The following MAPK4 variants were observed in gnomAD, a reference collection of about 807,000 sequenced individuals.
MAPK4 encodes Erk3-related.
A neutral mutation model predicts 47.7 loss-of-function variants in MAPK4; 22 were observed. The observed-to-expected ratio is 0.46, with a 90% CI of 0.33 to 0.66. MAPK4 has a LOEUF of 0.66. MAPK4 is among the 30% of genes least tolerant of loss of function. MAPK4 has a pLI of 0.02. For missense variants in MAPK4, 736 were observed against 831.7 expected (o/e 0.88, Z 1.42); for synonymous variants, 390 against 365.7 (o/e 1.07, Z -0.76).
intron 1 of MAPK4, among the ~76,000 whole-genome samples, chr18:50,563,277 A>G (rs1309898622): frequency 2.0e-5 from 3 of 152,374 alleles, no homozygotes; most frequent in Non-Finnish European, 2.9e-5. Context: ...GGCAAAGACA[A>G]CTAACAAAGA....
intron 1 of MAPK4, among the ~76,000 whole-genome samples, chr18:50,649,099 G>T (rs1227073841): frequency 1.3e-5 from 2 of 152,210 alleles, no homozygotes; most frequent in African/African-American, 4.8e-5. Flanking sequence ...ACCTAGGGAT[G>T]GGGGTAGGCC....
chr18:50,687,157 A>G (rs567236333), intron 2 of MAPK4, among the ~76,000 whole-genome samples: 1 of 152,176 alleles, frequency 6.6e-6, no homozygotes, highest in East Asian at 1.9e-4. Flanking sequence ...TCATCCCAAA[A>G]GGAAACATCA....
At chr18:50,639,337 T>C (rs578087472) in intron 1 of MAPK4, among the ~76,000 whole-genome samples, 12 of 152,318 alleles carry the variant, frequency 7.9e-5, no homozygotes, top group African/African-American at 2.9e-4. Context: ...CTCTATGTAG[T>C]TTGCATCCTG....
chr18:50,591,235 C>A (rs2042434392), intron 1 of MAPK4, among the ~76,000 whole-genome samples: 1 of 152,028 alleles, frequency 6.6e-6, no homozygotes, highest in Non-Finnish European at 1.5e-5. Flanking sequence ...CTCACAGCAA[C>A]CCTATTAAGT....
At chr18:50,650,126 G>A (rs1272072865) in intron 1 of MAPK4, among the ~76,000 whole-genome samples, 1 of 152,226 alleles carries the variant, frequency 6.6e-6, no homozygotes, top group Non-Finnish European at 1.5e-5. Flanking sequence ...TGCTGCTGCT[G>A]TTGTCAAGGT....
intron 2 of MAPK4, among the ~76,000 whole-genome samples, chr18:50,679,991 C>T (rs116781858): frequency 0.013 from 1,907 of 151,840 alleles, 44 homozygotes; most frequent in African/African-American, 0.043. Flanking sequence ...ACCCAGCGCT[C>T]GCCGCCCCAC....
intron 1 of MAPK4, among the ~76,000 whole-genome samples, chr18:50,640,293 G>A (rs570401365): frequency 7.3e-5 from 11 of 151,200 alleles, no homozygotes; most frequent in Admixed American, 1.3e-4. Context: ...CAGGGGCCAT[G>A]CTCTGTCACC....
intron 1 of MAPK4, among the ~76,000 whole-genome samples, chr18:50,584,019 T>C (rs1255756756): frequency 6.6e-6 from 1 of 152,206 alleles, no homozygotes; most frequent in African/African-American, 2.4e-5. Context: ...ATATTGAGGA[T>C]TGAGTAAGAT....
intron 1 of MAPK4, among the ~76,000 whole-genome samples, chr18:50,609,395 C>G (rs547686764): frequency 3.3e-5 from 5 of 151,340 alleles, no homozygotes; most frequent in African/African-American, 1.2e-4. Flanking sequence ...GGCTGCCCCC[C>G]GCCTCCCTCC....
intron 1 of MAPK4, among the ~76,000 whole-genome samples, chr18:50,657,704 T>G (rs1418591244): frequency 6.6e-6 from 1 of 151,534 alleles, no homozygotes; most frequent in East Asian, 1.9e-4. Context: ...ATGTCACAGC[T>G]TGGGGGTGTG....
chr18:50,614,255 G>C (rs1424622705), intron 1 of MAPK4, among the ~76,000 whole-genome samples: 1 of 151,770 alleles, frequency 6.6e-6, no homozygotes, highest in Non-Finnish European at 1.5e-5. Flanking sequence ...TGTCAGTAAG[G>C]ACCTAAAAGA....
At chr18:50,662,129 G>A (rs1162488627) in intron 1 of MAPK4, among the ~76,000 whole-genome samples, 1 of 152,188 alleles carries the variant, frequency 6.6e-6, no homozygotes, top group African/African-American at 2.4e-5. Context: ...CTCTATAGGA[G>A]GCCCTGCGAT....
intron 1 of MAPK4, among the ~76,000 whole-genome samples, chr18:50,576,131 T>TA (rs1454212837): frequency 6.8e-5 from 2 of 29,352 alleles, no homozygotes; most frequent in Non-Finnish European, 8.8e-5. Context: ...CCAGCAATCC[T>TA]TTTTTTTTGG....
chr18:50,609,755 G>T (rs1306374699), intron 1 of MAPK4, among the ~76,000 whole-genome samples: 3 of 152,170 alleles, frequency 2.0e-5, no homozygotes, highest in Non-Finnish European at 4.4e-5. Context: ...ATGGTGGAGG[G>T]AGGATTTGAA....
intron 2 of MAPK4, among the ~76,000 whole-genome samples, chr18:50,702,704 C>T (rs1316311394): frequency 2.0e-5 from 3 of 152,150 alleles, no homozygotes; most frequent in Non-Finnish European, 4.4e-5. Flanking sequence ...AGTGACTGCC[C>T]CATCTTCCTG....
intron 1 of MAPK4, among the ~76,000 whole-genome samples, chr18:50,617,232 A>G (rs1388609733): frequency 1.3e-3 from 8 of 6,148 alleles, no homozygotes; most frequent in African/African-American, 3.8e-3. Flanking sequence ...AACAATTTGA[A>G]CAGAAGACAT....
At chr18:50,677,409 C>T (rs16952393) in intron 2 of MAPK4, among the ~76,000 whole-genome samples, 2,309 of 152,252 alleles carry the variant, frequency 0.015, 51 homozygotes, top group African/African-American at 0.052. Context: ...CAACAGTTTA[C>T]CCATTGCAAA....
At chr18:50,584,176 T>C (rs1231579400) in intron 1 of MAPK4, among the ~76,000 whole-genome samples, 1 of 152,196 alleles carries the variant, frequency 6.6e-6, no homozygotes, top group Admixed American at 6.5e-5. Context: ...CTAAATACCG[T>C]TTGCTACTTT....
intron 1 of MAPK4, among the ~76,000 whole-genome samples, chr18:50,601,255 G>A (rs1364114728): frequency 6.7e-5 from 10 of 150,230 alleles, no homozygotes; most frequent in Non-Finnish European, 7.4e-5. Flanking sequence ...GATCGCTGGA[G>A]CCTGGGAGGT....
Sources: gnomAD v4.1 joint callset for allele counts (sites outside exome capture counted in the v4.1 genomes callset) on GRCh38, gnomAD v4.1.1 for gene constraint, MANE v1.5 for transcripts, NCBI Gene and HGNC (gene_info 2026-07-23, HGNC 2026-07-21) for gene names.